DNAH17: variants seen among roughly 807,000 people sequenced by gnomAD.
DNAH17 encodes the protein axonemal beta dynein heavy chain 17.
In DNAH17, 376 loss-of-function variants were observed where a neutral mutation model predicts 485.6. The ratio of observed to expected loss-of-function variants is 0.77; its 90% confidence interval spans 0.71 to 0.84. DNAH17 has a LOEUF of 0.84. Ranked by LOEUF, DNAH17 falls within the 40% of genes least tolerant of loss-of-function variation. DNAH17 has a pLI of 0.00. For synonymous variants in DNAH17, 3,031 were observed against 2,405.9 expected, an observed-to-expected ratio of 1.26 and a Z score of -7.60; for missense variants, 6,370 against 5,839.3, an observed-to-expected ratio of 1.09 and a Z score of -2.96.
intron 56 of DNAH17, 52 bp downstream of exon 56, chr17:78,466,603 G>C (rs939032375): frequency 1.8e-5 from 28 of 1,538,294 alleles, no homozygotes; most frequent in African/African-American, 1.8e-4. Context: ...CCTTGGGCCT[G>C]TCCTTGTCCT....
At chr17:78,457,722 G>A (rs910081462) in intron 62 of DNAH17, among the ~76,000 whole-genome samples, 1 of 144,698 alleles carries the variant, frequency 6.9e-6, no homozygotes, top group African/African-American at 2.6e-5. Flanking sequence ...GTACAATGGC[G>A]CGATCTCGGC....
chr17:78,488,063 A>G (rs2089690425), intron 44 of DNAH17, among the ~76,000 whole-genome samples: 1 of 143,880 alleles, frequency 7.0e-6, no homozygotes, highest in South Asian at 2.2e-4. Context: ...TTGCAAATCT[A>G]CGCAGAGGCT....
At chr17:78,552,171 C>A (rs2091916387) in intron 15 of DNAH17, among the ~76,000 whole-genome samples, 1 of 152,194 alleles carries the variant, frequency 6.6e-6, no homozygotes, top group African/African-American at 2.4e-5. Context: ...GTGGACCCTT[C>A]ACCCCACGTA....
At chr17:78,560,694 C>T (rs867582549) in intron 13 of DNAH17, 46 bp downstream of exon 13, 2 of 1,500,244 alleles carry the variant, frequency 1.3e-6, no homozygotes, top group Middle Eastern at 2.3e-4. Flanking sequence ...GGCCCTCCCC[C>T]CGCTCCCAAG....
Position 78,429,270 on chromosome 17 carries a change from CA to C in DNAH17, c.12255del (p.Phe4085LeufsTer80), listed in dbSNP as rs1238981334. The C allele has an allele frequency of 1.9e-6, 3 of 1,613,938 alleles. No homozygotes were observed. The highest frequency in any genetic ancestry group is 1.1e-5 in the South Asian group (1 of 91,082). ...KVPWDDLRYL[F>X]GEIMYGGHIT... ...ATGTGGCCGCCATACATGATTTCAC[CA>C]AAAAGGTAGCGGAGATCGTCCCAGG... is the stretch of plus-strand genomic sequence containing the variant. On this transcript the variant is annotated frameshift_variant, in exon 76 of 81. Coordinates refer to ENST00000389840, the MANE Select transcript of DNAH17 (RefSeq NM_173628.4). LOFTEE classifies it high-confidence loss of function.
chr17:78,548,472 G>A (rs2091827090), intron 16 of DNAH17, among the ~76,000 whole-genome samples: 2 of 152,158 alleles, frequency 1.3e-5, no homozygotes, highest in African/African-American at 4.8e-5. Flanking sequence ...CCAAAGTGCT[G>A]GGATTACACG....
intron 14 of DNAH17, among the ~76,000 whole-genome samples, chr17:78,554,059 T>G (rs977874312): frequency 6.6e-6 from 1 of 152,136 alleles, no homozygotes; most frequent in Admixed American, 6.5e-5. Context: ...TCTCCCAAAG[T>G]GCTGGGATTA....
intron 77 of DNAH17, among the ~76,000 whole-genome samples, chr17:78,427,693 C>T (rs1273614401): frequency 6.6e-6 from 1 of 152,106 alleles, no homozygotes; most frequent in East Asian, 1.9e-4. Flanking sequence ...AAGTACAGGC[C>T]AGGTACAGTG....
chr17:78,479,092 G>A lies in DNAH17; in HGVS notation c.7925C>T (p.Thr2642Ile), dbSNP rs369055242. ...AAACTTAATGGCCGTGGGAAGAAAT[G>A]TTGCCGTGATTTTCTGATGCAAAGC... ...ALALHQKITA[T>I]FLPTAIKFHY... The change falls in exon 51 of 81, where the codon ACA becomes ATA. Residue 2642 changes from threonine (T) to isoleucine (I), a missense_variant. By Grantham distance (89) the Thr-to-Ile change is moderately conservative (BLOSUM62 -1). Transcript: ENST00000389840. 5.6e-6 allele frequency: 9 copies of A among 1,613,904 alleles called. No individual in the cohort carries two copies. Among genetic ancestry groups the A allele is most frequent in the African/African-American group, 4.0e-5 (3 of 74,918 alleles).
Position 78,454,485 on chromosome 17 carries a change from C to G in DNAH17, c.10391G>C (p.Arg3464Pro), listed in dbSNP as rs765358843. 1 of 1,612,582 alleles carries G rather than the reference C, an allele frequency of 6.2e-7. No homozygotes were observed. Reference sequence around the variant, plus strand: ...CCGCACACACCTCTTCTGTCCCAGGCGGATGGCTTTCAGTTCACTCCTGTA... The same window carrying G: ...CCGCACACACCTCTTCTGTCCCAGGGGGATGGCTTTCAGTTCACTCCTGTA... ...NKYRSELKAI[R>P]LGQKSYLDVI... Residue 3464 changes from arginine to proline, a missense_variant, in exon 64 of 81, where the codon CGC (arginine) becomes CCC (proline). By Grantham distance (103) the Arg-to-Pro change is moderately radical (BLOSUM62 -2). Transcript: ENST00000389840.
rs141374842 is a variant in DNAH17 at position 78,567,029 on chromosome 17, G to A, written c.1422C>T (p.Cys474=). 34 of 1,613,650 alleles carry A rather than the reference G, an allele frequency of 2.1e-5. No homozygotes were observed. In the South Asian group the frequency reaches 3.4e-4, roughly 16 times the overall value. The change falls in exon 10 of 81, where the codon TGC becomes TGT. Residue 474 remains cysteine (C), a synonymous_variant. Coordinates refer to ENST00000389840, the MANE Select transcript of DNAH17 (RefSeq NM_173628.4). ...CTCCAGGGTCCAAGGGATCATATTT[G>A]CAGTCGGCAAAAACCTTCACCAGCT... ...VFELVKVFAD[C]KYDPLDPGDS... is the part of the protein sequence containing the mutation.
At chr17:78,555,887 G>A (rs1486273668) in intron 14 of DNAH17, among the ~76,000 whole-genome samples, 1 of 152,200 alleles carries the variant, frequency 6.6e-6, no homozygotes, top group Non-Finnish European at 1.5e-5. Context: ...GGCCTGAGCT[G>A]GGCCATCTCA....
Position 78,566,658 on chromosome 17 carries a change from A to C in DNAH17, c.1525T>G (p.Cys509Gly), listed in dbSNP as rs1211829244. ...CAGCTGCAGTCATCAAATCCTTGGC[A>C]AAAGATCGTGGCCAGCCTCCTATCC... The part of the protein sequence containing the change: ...DLDRRLATIF[C>G]QGFDDCSCIK... Residue 509 changes from cysteine to glycine, a missense_variant, in exon 11 of 81, where the codon TGC becomes GGC. Coordinates refer to ENST00000389840, the MANE Select transcript of DNAH17 (RefSeq NM_173628.4). The C allele has an allele frequency of 3.1e-6, 5 of 1,611,222 alleles. No individual in the cohort carries two copies. The highest frequency in any genetic ancestry group is 4.2e-6 in the Non-Finnish European group (5 of 1,178,760).
chr17:78,461,396 G>T, intron 58 of DNAH17, 148 bp downstream of exon 58: 2 of 821,898 alleles, frequency 2.4e-6, no homozygotes, highest in South Asian at 2.6e-5. Flanking sequence ...ACTCCTTCGG[G>T]GGTCCCACTG....
At chr17:78,575,744 T>C (rs1378893441) in intron 1 of DNAH17, among the ~76,000 whole-genome samples, 1 of 151,984 alleles carries the variant, frequency 6.6e-6, no homozygotes, top group Non-Finnish European at 1.5e-5. Flanking sequence ...GGGGAAGGGA[T>C]CCCCTTAAAG....
At position 78,426,991 on chromosome 17, in the gene DNAH17, C is replaced by G; in HGVS notation, c.12706G>C (p.Glu4236Gln). The stretch of plus-strand genomic sequence containing the variant: ...TCGTTGGTCAGGATGTTCATTCTTT[C>G]ACATTCTTGAAAGGCGACTACCACG... ...PYVVVAFQEC[E>Q]RMNILTNEMR... The change falls in exon 78 of 81, where the codon GAA (glutamate) becomes CAA (glutamine). Residue 4236 changes from glutamate (E) to glutamine (Q), a missense_variant. Coordinates refer to ENST00000389840, the MANE Select transcript of DNAH17 (RefSeq NM_173628.4). 3 of 1,610,596 alleles carry G rather than the reference C, an allele frequency of 1.9e-6. No individual in the cohort carries two copies. Among genetic ancestry groups the G allele is most frequent in the East Asian group, 2.2e-5 (1 of 44,788 alleles).
chr17:78,468,710 G>A lies in DNAH17; in HGVS notation c.8685C>T (p.Ser2895=), dbSNP rs1394916022. The change falls in exon 55 of 81, where the codon TCC becomes TCT. Residue 2895 remains serine (S), a synonymous_variant. Transcript: ENST00000389840. ...GGGACTTGACTTGGGGTCGCATGGA[G>A]GAGATGATGTTCTCCACCTCGTCCT... ...FMEDEVENII[S]SMRPQVKSLG... The A allele has an allele frequency of 1.2e-6, 2 of 1,613,938 alleles. No individual in the cohort carries two copies. The highest frequency in any genetic ancestry group is 1.7e-6 in the Non-Finnish European group (2 of 1,179,906).
intron 56 of DNAH17, among the ~76,000 whole-genome samples, chr17:78,466,194 G>C (rs577797445): frequency 6.6e-6 from 1 of 152,330 alleles, no homozygotes; most frequent in East Asian, 1.9e-4. Flanking sequence ...ATTAAGGGCG[G>C]TGCAAGATGT....
intron 54 of DNAH17, among the ~76,000 whole-genome samples, chr17:78,474,937 A>G (rs57589373): frequency 0.23 from 29,083 of 124,724 alleles, 3,980 homozygotes; most frequent in African/African-American, 0.46. Context: ...ACACGGGCCG[A>G]AAGGTTTCAG....
Sources: allele counts gnomAD v4.1 joint callset (sites outside exome capture counted in the v4.1 genomes callset), GRCh38; gene constraint gnomAD v4.1.1; transcripts MANE v1.5; gene names NCBI Gene and HGNC (gene_info 2026-07-23, HGNC 2026-07-21).